Variants in SAG observed in about 807,000 individuals in gnomAD.
The protein encoded by SAG is S-arrestin.
A neutral mutation model predicts 55.0 loss-of-function variants in SAG; 45 were observed. The observed-to-expected ratio is 0.82, with a 90% CI of 0.64 to 1.05. The LOEUF (loss-of-function observed/expected upper bound fraction) is 1.05, where lower values mean the gene tolerates loss of function less well. Ranked by LOEUF, SAG falls within the 50% of genes least tolerant of loss-of-function variation. SAG has a pLI of 0.00. For missense variants in SAG, 455 were observed against 512.1 expected (o/e 0.89, Z 1.08); for synonymous variants, 189 against 197.4 (o/e 0.96, Z 0.36).
At position 233,334,942 on chromosome 2, in the gene SAG, C is replaced by T. The variant is rs1290634303; in HGVS notation, c.807-20C>T. 6.2e-7 allele frequency: 1 copy of T among 1,613,568 alleles called. No individual in the cohort carries two copies. Among genetic ancestry groups the T allele is most frequent in the Non-Finnish European group, 8.5e-7 (1 of 1,179,632 alleles). ...GGCAGCTTTGATGGTTATAAATCTC[C>T]TCTGTTCTTCTTCCTCTAGAGAAAA... On this transcript the variant is annotated intron_variant, in intron 10 of 15. Transcript: ENST00000409110.
chr2:233,341,002 C>T (rs1363445889), intron 13 of SAG, among the ~76,000 whole-genome samples: 1 of 151,846 alleles, frequency 6.6e-6, no homozygotes, highest in Non-Finnish European at 1.5e-5. Flanking sequence ...TTAGTAGAGA[C>T]GGGGTTTCCC....
In SAG at chr2:233,318,964, C is replaced by A. The variant is rs764941236; in HGVS notation, c.181+169C>A. ...CTGACCCACACTCCTGTACCTAATT[C>A]ACGTGACATAGGTCCTGTTGACACC... On this transcript the variant is annotated intron_variant, in intron 4 of 15. Transcript: ENST00000409110. 12 of 735,662 alleles carry A rather than the reference C, an allele frequency of 1.6e-5. No individual in the cohort carries two copies. In the Admixed American group the frequency reaches 2.4e-4, roughly 15 times the overall value. The allele number at this position is 735,662 out of a possible 1,614,324, so 45.6% of individuals were successfully genotyped here. A position where few individuals can be genotyped will look rare whatever the true frequency, so the allele number is the denominator to read the frequency against.
chr2:233,340,517 G>A lies in SAG; in HGVS notation c.1046+39G>A. The A allele has an allele frequency of 1.9e-6, 3 of 1,568,166 alleles. No homozygotes were observed. The highest frequency in any genetic ancestry group is 2.6e-6 in the Non-Finnish European group (3 of 1,143,830). On this transcript the variant is annotated intron_variant, in intron 13 of 15. Transcript: ENST00000409110. The surrounding 1 kb of genome is among the most constrained non-coding windows in gnomAD (Gnocchi z 4.2). ...CCTTCCTTGTTTGATTGTTTCTCAA[G>A]ATATCAAAGGCAGCAAACTTGGGGC... is the stretch of plus-strand genomic sequence containing the variant.
chr2:233,328,958 G>A (rs1700660215), intron 8 of SAG: 2 of 263,130 alleles, frequency 7.6e-6, no homozygotes, highest in Non-Finnish European at 1.4e-5. Context: ...AATAGCTGTG[G>A]TATCCCAAAT....
intron 6 of SAG, among the ~76,000 whole-genome samples, chr2:233,326,033 T>C (rs3792099): frequency 0.068 from 10,334 of 152,192 alleles, 427 homozygotes; most frequent in African/African-American, 0.1. Flanking sequence ...CCTGTAATTT[T>C]TGCCAGCTCT....
intron 6 of SAG, among the ~76,000 whole-genome samples, chr2:233,324,361 C>T (rs909547617): frequency 5.3e-5 from 8 of 152,200 alleles, no homozygotes; most frequent in East Asian, 1.9e-4. Flanking sequence ...CACTGCACTG[C>T]GCTCTAGCCT....
chr2:233,335,020 G>A lies in SAG; in HGVS notation c.865G>A (p.Ala289Thr). The stretch of plus-strand genomic sequence containing the variant: ...GACGCTGACGCTGCTGCCCTTGCTG[G>A]CTAACAATCGAGAAAGGAGAGGCAT... ...TKTLTLLPLL[A>T]NNRERRGIAL... The change falls in exon 11 of 16, where the codon GCT (alanine) becomes ACT (threonine). Residue 289 changes from alanine (A) to threonine (T), a missense_variant. Transcript: ENST00000409110. The A allele has an allele frequency of 6.2e-7, 1 of 1,613,992 alleles. No homozygotes were observed. Among genetic ancestry groups the A allele is most frequent in the Non-Finnish European group, 8.5e-7 (1 of 1,179,844 alleles).
chr2:233,340,368 C>A lies in SAG; in HGVS notation c.1023-87C>A. On this transcript the variant is annotated intron_variant, in intron 12 of 15. Transcript: ENST00000409110. This position sits in a 1 kb window ranked among gnomAD's most constrained non-coding sequence, Gnocchi z 4.2. ...AGTTCGGGTGCAAGGGCCATGAGAG[C>A]TGGGCTGTGTCCTGCCTCTGAATCA... 2 of 1,181,290 alleles carry A rather than the reference C, an allele frequency of 1.7e-6. No homozygotes were observed. The highest frequency in any genetic ancestry group is 1.2e-6 in the Non-Finnish European group (1 of 801,616). The allele number at this position is 1,181,290 out of a possible 1,614,324, so 73.2% of individuals were successfully genotyped here. A position where few individuals can be genotyped will look rare whatever the true frequency, so the allele number is the denominator to read the frequency against.
At chr2:233,339,752 C>G (rs1701044127) in intron 12 of SAG, among the ~76,000 whole-genome samples, 1 of 152,024 alleles carries the variant, frequency 6.6e-6, no homozygotes, top group Admixed American at 6.6e-5. Context: ...TAACCTCCAC[C>G]TCCCAGGTTC....
chr2:233,317,302 T>A (rs1361833008), intron 3 of SAG, among the ~76,000 whole-genome samples: 1 of 152,176 alleles, frequency 6.6e-6, no homozygotes, highest in Non-Finnish European at 1.5e-5. Context: ...TTGTGGTAGC[T>A]CCAAACCGGA....
chr2:233,326,005 C>T (rs1020405846), intron 6 of SAG, among the ~76,000 whole-genome samples: 4 of 150,860 alleles, frequency 2.7e-5, no homozygotes, highest in East Asian at 2.0e-4. Flanking sequence ...CATATGTCAC[C>T]ATGGACAGAG....
At chr2:233,322,442 T>C (rs1212861991) in intron 5 of SAG, among the ~76,000 whole-genome samples, 1 of 152,120 alleles carries the variant, frequency 6.6e-6, no homozygotes, top group East Asian at 1.9e-4. Context: ...ATGAAGTGAG[T>C]AAACAGACTA....
rs13427703 is a variant in SAG, at chr2:233,338,862, C to G, written c.1022+109C>G. ...ACAGAAAGCAAGGAAAGGCCCATAGCTTCTACCAAGGATTACCAAGTAGAG... is the reference window on the plus strand; with the variant it reads ...ACAGAAAGCAAGGAAAGGCCCATAGGTTCTACCAAGGATTACCAAGTAGAG... On this transcript the variant is annotated intron_variant, in intron 12 of 15. Transcript: ENST00000409110. 0.11 allele frequency: 100,488 copies of G among 895,306 alleles called. 6,663 individuals carry two copies. Among genetic ancestry groups the G allele is most frequent in the African/African-American group, 0.2 (12,366 of 61,040 alleles). The allele number at this position is 895,306 out of a possible 1,614,324, so 55.5% of individuals were successfully genotyped here.
intron 2 of SAG, among the ~76,000 whole-genome samples, chr2:233,315,157 T>C (rs931599477): frequency 6.6e-6 from 1 of 152,150 alleles, no homozygotes; most frequent in Admixed American, 6.5e-5. Context: ...GCCCAGATGA[T>C]GGCCATCCCC....
Position 233,340,692 on chromosome 2 carries a change from G to A in SAG, c.1046+214G>A, listed in dbSNP as rs1559454022. Among the ~76,000 whole-genome samples the A allele has an allele frequency of 6.6e-6, 1 of 152,128 alleles. No homozygotes were observed. The highest frequency in any genetic ancestry group is 1.5e-5 in the Non-Finnish European group (1 of 68,026). On this transcript the variant is annotated intron_variant, in intron 13 of 15. Coordinates refer to ENST00000409110, the MANE Select transcript of SAG (RefSeq NM_000541.5). The surrounding 1 kb of genome is among the most constrained non-coding windows in gnomAD (Gnocchi z 4.2). ...TCTTTGGGACCACAGCTAGACCTAT[G>A]CCTGGGTAAGGACACACACATACAC... is the stretch of plus-strand genomic sequence containing the variant.
intron 2 of SAG, among the ~76,000 whole-genome samples, chr2:233,310,988 A>T (rs1012796476): frequency 6.6e-6 from 1 of 152,082 alleles, no homozygotes; most frequent in Non-Finnish European, 1.5e-5. Context: ...CCCAAGTTGT[A>T]TCTTTCCAGT....
intron 11 of SAG, among the ~76,000 whole-genome samples, chr2:233,336,999 G>T (rs1406367075): frequency 2.6e-5 from 4 of 151,922 alleles, no homozygotes; most frequent in African/African-American, 4.8e-5. Context: ...GAGAGGCTGA[G>T]ATGACAGGAT....
intron 6 of SAG, among the ~76,000 whole-genome samples, chr2:233,323,944 G>C (rs1700466399): frequency 6.6e-6 from 1 of 152,134 alleles, no homozygotes; most frequent in African/African-American, 2.4e-5. Context: ...GGGAGTATCT[G>C]GTGGGATGTG....
chr2:233,326,811 T>C (rs151082675), intron 6 of SAG, among the ~76,000 whole-genome samples: 17 of 152,106 alleles, frequency 1.1e-4, no homozygotes, highest in Admixed American at 6.6e-4. Flanking sequence ...GACACCTAAG[T>C]GTGCAAGGTG....
Sources: allele counts gnomAD v4.1 joint callset (sites outside exome capture counted in the v4.1 genomes callset), GRCh38; gene constraint gnomAD v4.1.1; non-coding constraint Gnocchi (gnomAD v3.1); transcripts MANE v1.5; gene names NCBI Gene and HGNC (gene_info 2026-07-23, HGNC 2026-07-21).